Variants in DMKN observed in about 807,000 individuals in gnomAD.
The protein encoded by DMKN is epidermis-specific secreted protein SK30/SK89.
In DMKN, 58 loss-of-function variants were observed where a neutral mutation model predicts 67.6. The observed-to-expected ratio is 0.86, with a 90% CI of 0.69 to 1.07. The LOEUF is 1.07. DMKN is among the 50% of genes least tolerant of loss of function. The pLI is 0.00. For synonymous variants in DMKN, 240 were observed against 232.3 expected (o/e 1.03, Z -0.30); for missense variants, 596 against 601.5 (o/e 0.99, Z 0.10).
At chr19:35,511,873 C>A in intron 3 of DMKN, 60 bp from the exon 4 acceptor site, 1 of 1,552,264 alleles carries the variant, frequency 6.4e-7, no homozygotes, top group Admixed American at 1.9e-5. Context: ...TTGGCCTCGG[C>A]CATGGACACA....
rs536882361 is a variant in DMKN, at chr19:35,511,312, C to G, written c.918+99G>C. 8.6e-4 allele frequency: 1,354 copies of G among 1,570,234 alleles called. 6 individuals are homozygous for G. The Middle Eastern group carries it at 0.011, about 12-fold the overall frequency. ...GACTATCAGCGAGGCCGCCCATCCT[C>G]GGGCAGCGGCAGCTTTCAGAGAAAC... On this transcript the variant is annotated intron_variant, in intron 5 of 15. Coordinates refer to ENST00000339686, the MANE Select transcript of DMKN (RefSeq NM_033317.5).
intron 7 of DMKN, chr19:35,506,538 G>A: frequency 2.0e-6 from 1 of 490,996 alleles, no homozygotes; most frequent in South Asian, 1.5e-5. Context: ...CCAGAGTCTG[G>A]ACTCCACAAC....
In DMKN at chr19:35,513,621, T is replaced by C. The variant is rs1201321460; in HGVS notation, c.-146A>G. 2 of 1,017,776 alleles carry C rather than the reference T, an allele frequency of 2.0e-6. No homozygotes were observed. Among genetic ancestry groups the C allele is most frequent in the Non-Finnish European group, 2.8e-6 (2 of 719,074 alleles). The allele number at this position is 1,017,776 out of a possible 1,614,324, so 63.0% of individuals were successfully genotyped here. On this transcript the variant is annotated 5_prime_UTR_variant, in exon 1 of 16. Transcript: ENST00000339686. ...CTCCCTCTGGGTCTGCAGCCTTCTC[T>C]CTCCTGTCCTCAACTGCCTGGGCTT...
intron 15 of DMKN, chr19:35,498,498 T>C: frequency 1.6e-6 from 1 of 640,128 alleles, no homozygotes; most frequent in Non-Finnish European, 2.6e-6. Flanking sequence ...CATGAGCCAC[T>C]GCACCCAGCC....
chr19:35,502,225 C>T (rs1471444297), intron 10 of DMKN, 42 bp from the exon 11 acceptor site: 4 of 1,610,642 alleles, frequency 2.5e-6, no homozygotes, highest in South Asian at 1.1e-5. Context: ...GGAGGCAGAA[C>T]CCACGGGGTG....
At chr19:35,512,972 C>T in intron 1 of DMKN, 78 bp downstream of exon 1, 2 of 1,581,756 alleles carry the variant, frequency 1.3e-6, no homozygotes, top group Non-Finnish European at 1.7e-6. Context: ...TCCATCCATC[C>T]TTTCAACCGT....
intron 7 of DMKN, 154 bp from the exon 8 acceptor site, chr19:35,506,140 C>T (rs1568601701): frequency 6.4e-7 from 1 of 1,564,494 alleles, no homozygotes; most frequent in Non-Finnish European, 8.6e-7. Context: ...GTATTGACTC[C>T]ACCAACAGCG....
intron 7 of DMKN, chr19:35,508,230 C>T: frequency 6.4e-7 from 1 of 1,552,222 alleles, no homozygotes; most frequent in Non-Finnish European, 8.7e-7. Flanking sequence ...AACTCCCTGT[C>T]CTCTGAAGCC....
chr19:35,510,627 T>G, intron 5 of DMKN: 2 of 1,355,674 alleles, frequency 1.5e-6, no homozygotes, highest in Non-Finnish European at 9.8e-7. Context: ...TTGGTCACCA[T>G]TCCCAGAACT....
At chr19:35,505,272 T>G (rs1376741084) in intron 9 of DMKN, among the ~76,000 whole-genome samples, 6 of 152,110 alleles carry the variant, frequency 3.9e-5, no homozygotes, top group African/African-American at 1.4e-4. Context: ...GCTGTGTTTT[T>G]GTTTGTGCGG....
At chr19:35,502,715 A>T (rs550026063) in intron 10 of DMKN, 115 bp downstream of exon 10, 32 of 985,282 alleles carry the variant, frequency 3.2e-5, no homozygotes, top group Non-Finnish European at 4.7e-5. Context: ...AAAAAAAAAA[A>T]GGGGGGGAGT....
intron 10 of DMKN, 131 bp from the exon 11 acceptor site, chr19:35,502,314 T>C: frequency 1.2e-6 from 1 of 821,928 alleles, no homozygotes; most frequent in Non-Finnish European, 2.1e-6. Context: ...TGGAGGAAGG[T>C]AAGCACGTGG....
At chr19:35,507,306 C>A in intron 7 of DMKN, 3 of 627,854 alleles carry the variant, frequency 4.8e-6, no homozygotes, top group South Asian at 4.8e-5. Context: ...GATGGGGATC[C>A]CAGAACCCTG....
rs1159466321 is a variant in DMKN, at chr19:35,511,412, CAGG to C, written c.914_916del (p.Ser305del). ...CTTCCACAGAGGTGCCAAACTCACC[CAGG>C]AGGACTCACTGCCGCTGTCACCTCT... is the stretch of plus-strand genomic sequence containing the variant. On this transcript the variant is annotated inframe_deletion and splice_region_variant, in exon 5 of 16. Transcript: ENST00000339686. The C allele has an allele frequency of 6.2e-7, 1 of 1,608,848 alleles. No homozygotes were observed. Among genetic ancestry groups the C allele is most frequent in the Non-Finnish European group, 8.5e-7 (1 of 1,179,858 alleles).
At chr19:35,512,913 G>A in intron 1 of DMKN, 123 bp from the exon 2 acceptor site, 1 of 1,503,014 alleles carries the variant, frequency 6.7e-7, no homozygotes, top group Middle Eastern at 2.3e-4. Flanking sequence ...GGCATAGGAG[G>A]GGGGCAGAAC....
chr19:35,500,069 G>T, intron 12 of DMKN, 40 bp from the exon 13 acceptor site: 1 of 1,609,670 alleles, frequency 6.2e-7, no homozygotes, highest in Non-Finnish European at 8.5e-7. Flanking sequence ...ACAGACGGAC[G>T]AAGGCCATTT....
In DMKN at chr19:35,500,021, A is replaced by C; in HGVS notation, c.1296T>G (p.Asn432Lys). 1.2e-6 allele frequency: 2 copies of C among 1,614,186 alleles called. No individual in the cohort carries two copies. Among genetic ancestry groups the C allele is most frequent in the Non-Finnish European group, 1.7e-6 (2 of 1,180,022 alleles). ...CAGTGGGATACGCATGCTGGTTGTA[A>C]TTGTAGTTCTGTGGAAGAAGTGGGC... is the stretch of plus-strand genomic sequence containing the variant. ...KRAGRDDQNY[N>K]YNQHAYPTAY... The change falls in exon 13 of 16, where the codon AAT (asparagine) becomes AAG (lysine). Residue 432 changes from asparagine (N) to lysine (K), a missense_variant. Coordinates refer to ENST00000339686, the MANE Select transcript of DMKN (RefSeq NM_033317.5).
At chr19:35,499,045 G>C in intron 13 of DMKN, 148 bp from the exon 14 acceptor site, 4 of 1,132,030 alleles carry the variant, frequency 3.5e-6, no homozygotes, top group Non-Finnish European at 5.1e-6. Flanking sequence ...GGACATTCAG[G>C]CTGTGGAGTT....
At chr19:35,506,524 G>T (rs2069558908) in intron 7 of DMKN, 1 of 497,978 alleles carries the variant, frequency 2.0e-6, no homozygotes. Context: ...TGCAGCATCT[G>T]TCTCCAGAGT....
Sources: allele counts gnomAD v4.1 joint callset (sites outside exome capture counted in the v4.1 genomes callset), GRCh38; gene constraint gnomAD v4.1.1; transcripts MANE v1.5; gene names NCBI Gene and HGNC (gene_info 2026-07-23, HGNC 2026-07-21).